STAT5B: variants seen among roughly 807,000 people sequenced by gnomAD.
STAT5B encodes transcription factor STAT5B.
In STAT5B, 21 loss-of-function variants were observed where a neutral mutation model predicts 107.8. The ratio of observed to expected loss-of-function variants is 0.19; its 90% CI spans 0.14 to 0.28. The LOEUF (loss-of-function observed/expected upper bound fraction) is 0.28. STAT5B is among the 10% of genes least tolerant of loss of function. STAT5B has a pLI of 1.00. For missense variants in STAT5B, 565 were observed against 1,008.2 expected (o/e 0.56, Z 5.95); for synonymous variants, 325 against 401.7 (o/e 0.81, Z 2.28).
intron 7 of STAT5B, 35 bp from the exon 8 acceptor site, chr17:42,218,913 T>G (rs774963505): frequency 1.2e-6 from 2 of 1,613,810 alleles, no homozygotes; most frequent in Non-Finnish European, 8.5e-7. Context: ...AGGAGGACAA[T>G]GGCTCCTCCG....
At chr17:42,248,774 G>A (rs1030458371) in intron 1 of STAT5B, among the ~76,000 whole-genome samples, 14 of 152,374 alleles carry the variant, frequency 9.2e-5, no homozygotes, top group African/African-American at 2.4e-4. Flanking sequence ...GAAGAGCAGC[G>A]ATTTCCTTCC....
chr17:42,235,712 G>A (rs2080351373), intron 1 of STAT5B, among the ~76,000 whole-genome samples: 1 of 152,158 alleles, frequency 6.6e-6, no homozygotes, highest in Admixed American at 6.6e-5. Flanking sequence ...TCCTGACCTC[G>A]TGATCTGCCC....
At position 42,224,813 on chromosome 17, in the gene STAT5B, T is replaced by C; in HGVS notation, c.341A>G (p.Tyr114Cys). Residue 114 changes from tyrosine (Y) to cysteine (C), a missense_variant, in exon 4 of 19, where the codon TAC becomes TGC. Physicochemically the swap from Tyr to Cys is radical, Grantham distance 194. Coordinates refer to ENST00000293328, the MANE Select transcript of STAT5B (RefSeq NM_012448.4). ...ELVRCIRHIL[Y>C]NEQRLVREAN... Reference sequence around the variant, plus strand: ...TTCTCGGACCAACCTCTGTTCATTGTACAATATATGGCGGATGCAGCGGAC... The same window carrying C: ...TTCTCGGACCAACCTCTGTTCATTGCACAATATATGGCGGATGCAGCGGAC... 6.2e-7 allele frequency: 1 copy of C among 1,613,862 alleles called. No homozygotes were observed.
intron 1 of STAT5B, among the ~76,000 whole-genome samples, chr17:42,262,787 CACATATATATGTGTGTATATAT>C: frequency 8.5e-6 from 1 of 117,396 alleles, no homozygotes; most frequent in African/African-American, 3.5e-5. Context: ...TATATATATA[CACATATATATGTGTGTATATAT>C]ACACACATAT....
chr17:42,210,715 G>A, intron 13 of STAT5B: 1 of 540,398 alleles, frequency 1.9e-6, no homozygotes. Context: ...CACCCAGTGG[G>A]CTCCTGCTAC....
chr17:42,202,557 T>G, intron 17 of STAT5B, 110 bp from the exon 18 acceptor site: 1 of 1,461,568 alleles, frequency 6.8e-7, no homozygotes, highest in Non-Finnish European at 9.5e-7. Flanking sequence ...AAGGACAAAG[T>G]GCCCCACTCG....
upstream of STAT5B, among the ~76,000 whole-genome samples, chr17:42,278,582 A>G (rs908627614): frequency 6.6e-6 from 1 of 152,030 alleles, no homozygotes; most frequent in African/African-American, 2.4e-5. Context: ...TGGTGGCACA[A>G]TCACAGCTCA....
At chr17:42,224,685 T>G in intron 4 of STAT5B, 94 bp downstream of exon 4, 1 of 1,226,964 alleles carries the variant, frequency 8.2e-7, no homozygotes, top group Non-Finnish European at 1.2e-6. Flanking sequence ...ACACCAATAG[T>G]GCACCCTGAG....
chr17:42,247,960 A>C (rs1228494563), intron 1 of STAT5B, among the ~76,000 whole-genome samples: 2 of 151,952 alleles, frequency 1.3e-5, no homozygotes, highest in Non-Finnish European at 2.9e-5. Flanking sequence ...TCTAAAAAAA[A>C]AAAAAATGTA....
At chr17:42,279,312 T>C (rs1477800911), upstream of STAT5B, among the ~76,000 whole-genome samples, 2 of 152,204 alleles carry the variant, frequency 1.3e-5, no homozygotes, top group African/African-American at 4.8e-5. Context: ...AGTACCTACC[T>C]CATCGGGTTG....
chr17:42,241,278 T>A (rs2080399521), intron 1 of STAT5B, among the ~76,000 whole-genome samples: 1 of 147,952 alleles, frequency 6.8e-6, no homozygotes. Context: ...AGGTAGAAGT[T>A]GCGGTGAGCT....
intron 1 of STAT5B, among the ~76,000 whole-genome samples, chr17:42,243,083 C>G (rs1325710556): frequency 6.6e-6 from 1 of 150,444 alleles, no homozygotes; most frequent in Admixed American, 6.6e-5. Flanking sequence ...TGTGACCCTG[C>G]CAAATCCCCC....
At chr17:42,212,959 A>G (rs2080141605) in intron 12 of STAT5B, among the ~76,000 whole-genome samples, 1 of 152,216 alleles carries the variant, frequency 6.6e-6, no homozygotes, top group African/African-American at 2.4e-5. Context: ...CATGCCAGCA[A>G]TGACATATAC....
intron 2 of STAT5B, among the ~76,000 whole-genome samples, chr17:42,230,316 G>C (rs1368597049): frequency 6.6e-6 from 1 of 152,158 alleles, no homozygotes; most frequent in African/African-American, 2.4e-5. Flanking sequence ...CAGCATCAAA[G>C]CTGGTTCTCT....
At chr17:42,249,976 T>TTAAGAGAGTGTTAAAC (rs1223227243) in intron 1 of STAT5B, among the ~76,000 whole-genome samples, 1 of 152,096 alleles carries the variant, frequency 6.6e-6, no homozygotes, top group Non-Finnish European at 1.5e-5. Context: ...CTTCTTTAAA[T>TTAAGAGAGTGTTAAAC]TAAGAGAGTG....
the STAT5B span, among the ~76,000 whole-genome samples, chr17:42,286,233 CAAAA>C: frequency 9.5e-5 from 5 of 52,400 alleles, no homozygotes; most frequent in South Asian, 7.7e-4. Flanking sequence ...AACTCCATCT[CAAAA>C]AAAAAAAAAA....
At chr17:42,217,689 CT>C (rs370849128) in intron 9 of STAT5B, 49,565 of 403,624 alleles carry the variant, frequency 0.12, 12 homozygotes, top group South Asian at 0.16. Flanking sequence ...CCTAAGAGAA[CT>C]TTTTTTTTTT....
At chr17:42,273,663 CCTGT>C (rs1285748463) in intron 1 of STAT5B, among the ~76,000 whole-genome samples, 2 of 152,218 alleles carry the variant, frequency 1.3e-5, no homozygotes, top group Non-Finnish European at 1.5e-5. Flanking sequence ...TTCGATTCCA[CCTGT>C]AACCTGCATC....
intron 9 of STAT5B, chr17:42,217,711 G>A (rs549836747): frequency 9.0e-5 from 47 of 521,124 alleles, no homozygotes; most frequent in African/African-American, 8.0e-4. Context: ...TTTTTGTGAC[G>A]GAGTTTTGCT....
Sources: gnomAD v4.1 joint callset for allele counts (sites outside exome capture counted in the v4.1 genomes callset) on GRCh38, gnomAD v4.1.1 for gene constraint, MANE v1.5 for transcripts, NCBI Gene and HGNC (gene_info 2026-07-23, HGNC 2026-07-21) for gene names.